Variants in TMEM242 observed in about 807,000 individuals in gnomAD.
TMEM242 encodes transmembrane protein 242.
TMEM242 carries 10 observed loss-of-function variants against 18.2 expected under a neutral mutation model. The ratio of observed to expected loss-of-function variants is 0.55; its 90% CI spans 0.34 to 0.93. TMEM242 has a LOEUF of 0.93. Ranked by LOEUF, TMEM242 falls within the 40% of genes least tolerant of loss-of-function variation. TMEM242 has a pLI of 0.02. For synonymous variants in TMEM242, 57 were observed against 69.9 expected (o/e 0.81, Z 0.92); for missense variants, 186 against 175.5 (o/e 1.06, Z -0.34).
intron 3 of TMEM242, 116 bp from the exon 4 acceptor site, chr6:157,293,115 G>A (rs1382231856): frequency 3.0e-6 from 2 of 672,620 alleles, no homozygotes; most frequent in Non-Finnish European, 5.3e-6. Context: ...ACAGAGCTAA[G>A]GAACATCAAT....
rs782602221 is a variant in TMEM242, at chr6:157,289,584, T to C, written c.*3317A>G. 1 of 152,216 alleles carries C rather than the reference T, an allele frequency of 6.6e-6. No homozygotes were observed. Among genetic ancestry groups the C allele is most frequent in the Non-Finnish European group, 1.5e-5 (1 of 68,044 alleles). The allele number at this position is 152,216 out of a possible 1,614,324, so 9.4% of individuals were successfully genotyped here. On this transcript the variant is annotated 3_prime_UTR_variant, in exon 4 of 4. Coordinates refer to ENST00000400788, the MANE Select transcript of TMEM242 (RefSeq NM_018452.6). ...TACATAAAAATGAGATGAAAATATA[T>C]AACCTTCCCCATAAACCAAGATTTA...
At chr6:157,300,778 G>C (rs1777819833) in intron 3 of TMEM242, among the ~76,000 whole-genome samples, 1 of 152,218 alleles carries the variant, frequency 6.6e-6, no homozygotes, top group Admixed American at 6.5e-5. Flanking sequence ...CCTTTCTCAT[G>C]CTAGAGGAAA....
intron 3 of TMEM242, among the ~76,000 whole-genome samples, chr6:157,296,463 G>C (rs1334189244): frequency 6.6e-6 from 1 of 152,194 alleles, no homozygotes; most frequent in Non-Finnish European, 1.5e-5. Context: ...TAGACAGTTG[G>C]ATCACTTGAG....
intron 3 of TMEM242, among the ~76,000 whole-genome samples, chr6:157,294,603 G>C (rs1216981750): frequency 1.3e-5 from 2 of 152,054 alleles, no homozygotes; most frequent in Non-Finnish European, 2.9e-5. Flanking sequence ...GCCCGCCTCG[G>C]CCTCCCAAAG....
Position 157,309,333 on chromosome 6 carries a change from CT to C in TMEM242, c.327+9448del, listed in dbSNP as rs587762300. 1.1e-3 allele frequency among the ~76,000 whole-genome samples: 165 copies of C among 150,652 alleles called. 2 individuals carry two copies. The highest frequency in any genetic ancestry group is 3.8e-3 in the African/African-American group (157 of 41,026). On this transcript the variant is annotated intron_variant, in intron 3 of 3. Coordinates refer to ENST00000400788, the MANE Select transcript of TMEM242 (RefSeq NM_018452.6). Reference sequence around the variant, plus strand: ...TTTTATAAAAAATACCAAAGGTTGTCTTTTTTTTTCTGTTTTGAATAAAAAG... The same window carrying C: ...TTTTATAAAAAATACCAAAGGTTGTCTTTTTTTTCTGTTTTGAATAAAAAG...
chr6:157,304,462 CAAAAAAAAAAAAAA>C (rs782782714), intron 3 of TMEM242, among the ~76,000 whole-genome samples: 1 of 67,234 alleles, frequency 1.5e-5, no homozygotes, highest in Non-Finnish European at 2.7e-5. Flanking sequence ...GAGACTCTGT[CAAAAAAAAAAAAAA>C]AAAAAAAAAA....
At chr6:157,310,720 A>ACCCG (rs1554248410) in intron 3 of TMEM242, among the ~76,000 whole-genome samples, 1 of 152,026 alleles carries the variant, frequency 6.6e-6, no homozygotes, top group East Asian at 1.9e-4. Context: ...GTGTGCACTC[A>ACCCG]GCTAGCCTCA....
Position 157,290,730 on chromosome 6 carries a change from TG to T in TMEM242, c.*2170del, listed in dbSNP as rs1234176659. 5.9e-5 allele frequency: 9 copies of T among 152,260 alleles called. No individual in the cohort carries two copies. Among genetic ancestry groups the T allele is most frequent in the Non-Finnish European group, 1.0e-4 (7 of 68,046 alleles). The allele number at this position is 152,260 out of a possible 1,614,324, so 9.4% of individuals were successfully genotyped here. A position where few individuals can be genotyped will look rare whatever the true frequency, so the allele number is the denominator to read the frequency against. On this transcript the variant is annotated 3_prime_UTR_variant, in exon 4 of 4. Coordinates refer to ENST00000400788, the MANE Select transcript of TMEM242 (RefSeq NM_018452.6). ...CTTGTTTTCTTTTTAAATTTCCATC[TG>T]TGCATTACTTCACCTTTGCTTTTAA... is the stretch of plus-strand genomic sequence containing the variant.
At chr6:157,310,611 T>G (rs1554248343) in intron 3 of TMEM242, among the ~76,000 whole-genome samples, 1 of 152,020 alleles carries the variant, frequency 6.6e-6, no homozygotes, top group Non-Finnish European at 1.5e-5. Flanking sequence ...TGCCCCAGTG[T>G]GCCCTCACCT....
At chr6:157,303,467 C>G (rs915491951) in intron 3 of TMEM242, among the ~76,000 whole-genome samples, 22 of 152,136 alleles carry the variant, frequency 1.4e-4, no homozygotes, top group African/African-American at 5.1e-4. Context: ...CCCACTTTTA[C>G]CAAGTTAAAA....
At chr6:157,321,094 C>T (rs1264832253) in intron 2 of TMEM242, among the ~76,000 whole-genome samples, 2 of 151,024 alleles carry the variant, frequency 1.3e-5, no homozygotes, top group Admixed American at 6.6e-5. Flanking sequence ...CTGCAAGCTC[C>T]GCCTCCCGGG....
chr6:157,301,464 A>C (rs1280320838), intron 3 of TMEM242, among the ~76,000 whole-genome samples: 2 of 152,098 alleles, frequency 1.3e-5, no homozygotes, highest in Admixed American at 1.3e-4. Flanking sequence ...GGCACCTGCC[A>C]CCACACCTGG....
intron 3 of TMEM242, among the ~76,000 whole-genome samples, chr6:157,304,943 C>T (rs782255123): frequency 3.3e-5 from 5 of 152,112 alleles, no homozygotes; most frequent in Non-Finnish European, 7.4e-5. Context: ...AGAATGCTGG[C>T]AGGGCTGGAG....
chr6:157,300,894 A>C (rs1554247496), intron 3 of TMEM242, among the ~76,000 whole-genome samples: 1 of 152,240 alleles, frequency 6.6e-6, no homozygotes, highest in African/African-American at 2.4e-5. Flanking sequence ...TAAAATGGCA[A>C]GTTTCAACCA....
intron 1 of TMEM242, 118 bp from the exon 2 acceptor site, chr6:157,322,923 G>T (rs1778518788): frequency 1.2e-6 from 1 of 846,772 alleles, no homozygotes; most frequent in Non-Finnish European, 1.8e-6. Context: ...AATCACTTTT[G>T]AAATTCAAGA....
Position 157,310,002 on chromosome 6 carries a change from G to A in TMEM242, c.327+8780C>T, listed in dbSNP as rs587756800. ...ACCTCCCCACAAACATAGAGCACAG[G>A]TCCACAGACATAGCGCATACCCCCC... On this transcript the variant is annotated intron_variant, in intron 3 of 3. Coordinates refer to ENST00000400788, the MANE Select transcript of TMEM242 (RefSeq NM_018452.6). Among the ~76,000 whole-genome samples, 7 of 152,206 alleles carry A rather than the reference G, an allele frequency of 4.6e-5. No homozygotes were observed. The South Asian group carries it at 1.0e-3, about 23-fold the overall frequency.
intron 3 of TMEM242, among the ~76,000 whole-genome samples, chr6:157,313,265 TCA>T: frequency 7.3e-6 from 1 of 137,586 alleles, no homozygotes; most frequent in Non-Finnish European, 1.6e-5. Flanking sequence ...CCTGGCCTCA[TCA>T]TAGTGTCCCA....
In TMEM242 at chr6:157,323,483, G is replaced by C; in HGVS notation, c.17C>G (p.Ala6Gly). 1 of 1,613,930 alleles carries C rather than the reference G, an allele frequency of 6.2e-7. No homozygotes were observed. Among genetic ancestry groups the C allele is most frequent in the Non-Finnish European group, 8.5e-7 (1 of 1,179,926 alleles). Residue 6 changes from alanine to glycine, a missense_variant, in exon 1 of 4, where the codon GCT becomes GGT. Physicochemically the swap from Ala to Gly is moderately conservative, Grantham distance 60. Coordinates refer to ENST00000400788, the MANE Select transcript of TMEM242 (RefSeq NM_018452.6). METAG[A>G]ATGQPASGLE... ...CCCAGAGGCCGGCTGCCCAGTTGCA[G>C]CGCCCGCTGTCTCCATGTTTAGGTC... is the stretch of plus-strand genomic sequence containing the variant.
chr6:157,312,675 C>G (rs797029278), intron 3 of TMEM242, among the ~76,000 whole-genome samples: 1 of 126,986 alleles, frequency 7.9e-6, no homozygotes, highest in Non-Finnish European at 1.7e-5. Flanking sequence ...AGGGTGCACT[C>G]ACCTAGCCTC....
Sources: allele counts gnomAD v4.1 joint callset (sites outside exome capture counted in the v4.1 genomes callset), GRCh38; gene constraint gnomAD v4.1.1; transcripts MANE v1.5; gene names NCBI Gene and HGNC (gene_info 2026-07-23, HGNC 2026-07-21).